The following KCNIP4 variants were observed in gnomAD, a reference collection of about 807,000 sequenced individuals.
The protein encoded by KCNIP4 is potassium voltage-gated channel interacting protein 4.
A neutral mutation model predicts 34.0 loss-of-function variants in KCNIP4; 12 were observed. That is an observed-to-expected ratio of 0.35 (90% CI 0.23 to 0.57). The LOEUF (loss-of-function observed/expected upper bound fraction) is 0.57. Among genes scored for constraint, KCNIP4 ranks in the 20% least tolerant of loss-of-function variants. KCNIP4 has a pLI of 0.83. For synonymous variants in KCNIP4, 124 were observed against 102.2 expected, an observed-to-expected ratio of 1.21 and a Z score of -1.29; for missense variants, 238 against 311.7, an observed-to-expected ratio of 0.76 and a Z score of 1.78.
chr4:21,866,933 A>C (rs1725465291), intron 1 of KCNIP4, among the ~76,000 whole-genome samples: 1 of 151,826 alleles, frequency 6.6e-6, no homozygotes, highest in South Asian at 2.1e-4. Flanking sequence ...CACCATGCTC[A>C]GCTAATTTTT....
chr4:20,978,746 C>G (rs1256838547), intron 1 of KCNIP4, among the ~76,000 whole-genome samples: 1 of 152,100 alleles, frequency 6.6e-6, no homozygotes, highest in Non-Finnish European at 1.5e-5. Flanking sequence ...CTTGGATTTT[C>G]TTGTACTGGT....
chr4:21,647,012 CAGTCTTTTGTAATTGA>C (rs1747069317), intron 1 of KCNIP4, among the ~76,000 whole-genome samples: 1 of 152,016 alleles, frequency 6.6e-6, no homozygotes, highest in South Asian at 2.1e-4. Flanking sequence ...AACAGTTTTT[CAGTCTTTTGTAATTGA>C]AAGTGAATAG....
intron 1 of KCNIP4, among the ~76,000 whole-genome samples, chr4:21,841,284 C>A (rs1296484576): frequency 6.6e-6 from 1 of 152,092 alleles, no homozygotes; most frequent in African/African-American, 2.4e-5. Context: ...CCATACAGAT[C>A]ATTTAATCCA....
intron 1 of KCNIP4, among the ~76,000 whole-genome samples, chr4:20,924,672 G>T (rs2149591011): frequency 6.6e-6 from 1 of 152,120 alleles, no homozygotes; most frequent in African/African-American, 2.4e-5. Context: ...AGCAATCTGG[G>T]GTAATAAAAT....
At chr4:21,528,453 G>A (rs112474723) in intron 1 of KCNIP4, among the ~76,000 whole-genome samples, 9,148 of 151,756 alleles carry the variant, frequency 0.06, 388 homozygotes, top group East Asian at 0.14. Context: ...TGTATCACGA[G>A]GTCAGGAGTT....
At chr4:21,658,108 G>A (rs549604362) in intron 1 of KCNIP4, among the ~76,000 whole-genome samples, 2 of 152,212 alleles carry the variant, frequency 1.3e-5, no homozygotes, top group South Asian at 2.1e-4. Context: ...AAAGTGCTGC[G>A]ATTATAGGCG....
chr4:21,485,708 A>G (rs1322535721), intron 1 of KCNIP4, among the ~76,000 whole-genome samples: 1 of 152,216 alleles, frequency 6.6e-6, no homozygotes, highest in African/African-American at 2.4e-5. Context: ...TCTAGGGTTC[A>G]AGGTGCACAA....
intron 3 of KCNIP4, among the ~76,000 whole-genome samples, chr4:20,799,242 CT>C (rs1713896848): frequency 6.6e-6 from 1 of 152,152 alleles, no homozygotes; most frequent in South Asian, 2.1e-4. Flanking sequence ...TTCAGATATT[CT>C]GCACACCAGA....
At chr4:21,765,729 T>G (rs893761541) in intron 1 of KCNIP4, among the ~76,000 whole-genome samples, 1 of 149,116 alleles carries the variant, frequency 6.7e-6, no homozygotes, top group Admixed American at 6.9e-5. Flanking sequence ...GCCTCCCTAG[T>G]AGCTGGGATT....
chr4:21,109,796 C>A (rs1404161344), intron 1 of KCNIP4, among the ~76,000 whole-genome samples: 1 of 152,092 alleles, frequency 6.6e-6, no homozygotes, highest in Non-Finnish European at 1.5e-5. Context: ...CTACCATATT[C>A]TTTGTGTATT....
rs555346805 is a variant in KCNIP4, at chr4:21,343,927, G to C, written c.62-461218C>G. On this transcript the variant is annotated intron_variant, in intron 1 of 8. Transcript: ENST00000382152. Reference sequence around the variant, plus strand: ...CCACACTCCGAGGTAGATGCTATGAGACCCATTTTACCAATACTGGTAAAA... The same window carrying C: ...CCACACTCCGAGGTAGATGCTATGACACCCATTTTACCAATACTGGTAAAA... Among the ~76,000 whole-genome samples the C allele has an allele frequency of 3.9e-5, 6 of 152,118 alleles. 1 individual carries two copies. Among genetic ancestry groups the C allele is most frequent in the South Asian group, 4.2e-4 (2 of 4,812 alleles).
intron 1 of KCNIP4, among the ~76,000 whole-genome samples, chr4:21,796,148 A>T (rs1720609196): frequency 6.6e-6 from 1 of 152,116 alleles, no homozygotes; most frequent in East Asian, 1.9e-4. Flanking sequence ...ATCACATTAC[A>T]CTATTTAAAG....
At chr4:21,597,505 T>G (rs998387127) in intron 1 of KCNIP4, among the ~76,000 whole-genome samples, 1 of 152,126 alleles carries the variant, frequency 6.6e-6, no homozygotes, top group Non-Finnish European at 1.5e-5. Flanking sequence ...AAAATTAGCA[T>G]AGGATGAAAG....
intron 1 of KCNIP4, among the ~76,000 whole-genome samples, chr4:20,913,791 GATA>G (rs1033039201): frequency 2.0e-5 from 3 of 152,154 alleles, no homozygotes; most frequent in African/African-American, 7.2e-5. Flanking sequence ...CTGTAAATGG[GATA>G]ATAATATACC....
intron 1 of KCNIP4, among the ~76,000 whole-genome samples, chr4:21,595,834 T>C (rs1282293863): frequency 6.6e-6 from 1 of 152,062 alleles, no homozygotes; most frequent in African/African-American, 2.4e-5. Context: ...TTATTGACAA[T>C]CTACCGTGTG....
At chr4:21,823,081 A>G (rs1722462177) in intron 1 of KCNIP4, among the ~76,000 whole-genome samples, 1 of 152,124 alleles carries the variant, frequency 6.6e-6, no homozygotes, top group South Asian at 2.1e-4. Flanking sequence ...TTATAATTAT[A>G]ATTATTTAGA....
chr4:21,540,720 A>G (rs1737608328), intron 1 of KCNIP4, among the ~76,000 whole-genome samples: 1 of 152,196 alleles, frequency 6.6e-6, no homozygotes, highest in African/African-American at 2.4e-5. Context: ...TTTTGACTAC[A>G]GATCTAACTT....
chr4:21,726,897 T>C (rs1257328773), intron 1 of KCNIP4, among the ~76,000 whole-genome samples: 1 of 152,202 alleles, frequency 6.6e-6, no homozygotes, highest in Non-Finnish European at 1.5e-5. Flanking sequence ...TTCTGTAGAT[T>C]TGGGAAAGTA....
chr4:21,850,308 A>C (rs1336236855), intron 1 of KCNIP4: 1 of 152,118 alleles, frequency 6.6e-6, no homozygotes, highest in Non-Finnish European at 1.5e-5. Context: ...CCTGGGTGAC[A>C]CAGTGGCCTT....
Sources: gnomAD v4.1 joint callset for allele counts (sites outside exome capture counted in the v4.1 genomes callset) on GRCh38, gnomAD v4.1.1 for gene constraint, MANE v1.5 for transcripts, NCBI Gene and HGNC (gene_info 2026-07-23, HGNC 2026-07-21) for gene names.